The following CCDC178 variants were observed in gnomAD, a reference collection of about 807,000 sequenced individuals.
CCDC178 encodes coiled-coil domain containing 178, also known as coiled-coil domain-containing protein 178.
In CCDC178, 126 loss-of-function variants were observed where a neutral mutation model predicts 117.4. The observed-to-expected ratio is 1.07, with a 90% CI of 0.93 to 1.24. The LOEUF (loss-of-function observed/expected upper bound fraction) is 1.24. Ranked by LOEUF, CCDC178 falls within the 50% of genes most tolerant of loss-of-function variation. The pLI, the probability that CCDC178 is intolerant of heterozygous loss-of-function variation, is 0.00. For synonymous variants in CCDC178, 283 were observed against 313.4 expected (o/e 0.90, Z 1.02); for missense variants, 1,030 against 986.9 (o/e 1.04, Z -0.59).
At chr18:33,155,161 G>T (rs1350082097) in intron 20 of CCDC178, among the ~76,000 whole-genome samples, 1 of 152,052 alleles carries the variant, frequency 6.6e-6, no homozygotes, top group Non-Finnish European at 1.5e-5. Context: ...TACAACGTAT[G>T]TTCTCTGACC....
At chr18:32,959,327 C>T (rs376732216) in intron 22 of CCDC178, among the ~76,000 whole-genome samples, 2 of 152,086 alleles carry the variant, frequency 1.3e-5, no homozygotes, top group African/African-American at 4.8e-5. Context: ...TGTTTAAGAA[C>T]CTATGAGACT....
intron 12 of CCDC178, among the ~76,000 whole-genome samples, chr18:33,279,642 C>T (rs2059996331): frequency 6.6e-6 from 1 of 152,110 alleles, no homozygotes; most frequent in Non-Finnish European, 1.5e-5. Context: ...CCCACATTGC[C>T]AAGTCAATCC....
intron 20 of CCDC178, among the ~76,000 whole-genome samples, chr18:33,116,523 C>G (rs1276747041): frequency 6.6e-6 from 1 of 152,120 alleles, no homozygotes; most frequent in Non-Finnish European, 1.5e-5. Flanking sequence ...TAGTGTTTGA[C>G]ACACAAGGTG....
At chr18:33,308,591 G>T (rs938333490) in intron 11 of CCDC178, among the ~76,000 whole-genome samples, 5 of 152,130 alleles carry the variant, frequency 3.3e-5, no homozygotes, top group African/African-American at 1.2e-4. Context: ...CATGAGATTT[G>T]GGAGGGGCCA....
At chr18:33,099,157 T>C (rs2057587459) in intron 20 of CCDC178, among the ~76,000 whole-genome samples, 1 of 152,108 alleles carries the variant, frequency 6.6e-6, no homozygotes, top group Non-Finnish European at 1.5e-5. Flanking sequence ...AATGTTCTGC[T>C]GTCTTTTGAC....
chr18:33,231,226 A>G (rs1408454761), intron 15 of CCDC178, among the ~76,000 whole-genome samples: 1 of 152,232 alleles, frequency 6.6e-6, no homozygotes, highest in Non-Finnish European at 1.5e-5. Flanking sequence ...TATTCCTGCC[A>G]GATGTGTTTA....
chr18:33,172,055 C>G (rs922729462), intron 20 of CCDC178, among the ~76,000 whole-genome samples: 2 of 152,112 alleles, frequency 1.3e-5, no homozygotes, highest in African/African-American at 4.8e-5. Context: ...GGATTACAGG[C>G]ACAAACTGCC....
chr18:33,003,230 G>A (rs1390923998), intron 21 of CCDC178, among the ~76,000 whole-genome samples: 2 of 151,684 alleles, frequency 1.3e-5, no homozygotes, highest in East Asian at 3.9e-4. Context: ...CCAAAAAAAA[G>A]AAAAGAAAAA....
chr18:33,394,456 A>T (rs2063604336), intron 4 of CCDC178, among the ~76,000 whole-genome samples: 1 of 151,886 alleles, frequency 6.6e-6, no homozygotes, highest in Non-Finnish European at 1.5e-5. Flanking sequence ...CTACACTAGC[A>T]CTCTTTAAAT....
At chr18:33,191,884 C>T (rs1465648375) in intron 20 of CCDC178, among the ~76,000 whole-genome samples, 2 of 152,030 alleles carry the variant, frequency 1.3e-5, no homozygotes, top group Non-Finnish European at 2.9e-5. Flanking sequence ...ATATTATCAA[C>T]TCCATCAATT....
chr18:33,241,918 T>C lies in CCDC178; in HGVS notation c.1593+3327A>G, dbSNP rs187723514. 4.3e-4 allele frequency among the ~76,000 whole-genome samples: 66 copies of C among 151,856 alleles called. 3 individuals are homozygous for C. The highest frequency in any genetic ancestry group is 2.4e-3 in the Admixed American group (37 of 15,200). On this transcript the variant is annotated intron_variant, in intron 15 of 22. Transcript: ENST00000383096. ...TTCTTAATAGAAAAAGAAAAAATCA[T>C]CTTAAAATGTGTATGGAACCCCAAA...
At chr18:33,066,682 G>A (rs896759658) in intron 21 of CCDC178, among the ~76,000 whole-genome samples, 1 of 152,120 alleles carries the variant, frequency 6.6e-6, no homozygotes, top group African/African-American at 2.4e-5. Flanking sequence ...GATCAAAACC[G>A]AAGTGAAGCA....
intron 12 of CCDC178, among the ~76,000 whole-genome samples, chr18:33,283,251 G>C (rs1457499942): frequency 6.6e-6 from 1 of 151,936 alleles, no homozygotes; most frequent in Admixed American, 6.6e-5. Flanking sequence ...TCCCACAAAC[G>C]AAGTCAGTCG....
intron 20 of CCDC178, among the ~76,000 whole-genome samples, chr18:33,179,515 A>G (rs998447407): frequency 6.6e-6 from 1 of 151,992 alleles, no homozygotes; most frequent in Non-Finnish European, 1.5e-5. Flanking sequence ...CACAAAGGAA[A>G]TATAACCCAA....
rs148909298 is a variant in CCDC178 at position 33,436,993 on chromosome 18, G to A, written c.-23+2969C>T. On this transcript the variant is annotated intron_variant, in intron 2 of 22. Transcript: ENST00000383096. ...CATATTTTTCTTGTGTTGCTTCTGTGTTATGCTATATCCTTTGCCCGTTAT... is the reference window on the plus strand; with the variant it reads ...CATATTTTTCTTGTGTTGCTTCTGTATTATGCTATATCCTTTGCCCGTTAT... Among the ~76,000 whole-genome samples the A allele has an allele frequency of 1.3e-3, 205 of 152,268 alleles. 1 individual carries two copies. The highest frequency in any genetic ancestry group is 4.3e-3 in the African/African-American group (179 of 41,560).
intron 9 of CCDC178, among the ~76,000 whole-genome samples, chr18:33,343,459 T>G (rs1371093540): frequency 1.3e-5 from 2 of 152,204 alleles, no homozygotes; most frequent in Non-Finnish European, 2.9e-5. Flanking sequence ...GCTGTCATTT[T>G]CAGGAGAGGC....
chr18:33,096,010 G>T (rs2057537114), intron 20 of CCDC178, among the ~76,000 whole-genome samples: 1 of 151,806 alleles, frequency 6.6e-6, no homozygotes, highest in South Asian at 2.1e-4. Context: ...AAGTGTGGAA[G>T]AACCATTGCT....
At chr18:33,341,618 T>C (rs1001197802) in intron 9 of CCDC178, among the ~76,000 whole-genome samples, 1 of 152,208 alleles carries the variant, frequency 6.6e-6, no homozygotes, top group Admixed American at 6.5e-5. Flanking sequence ...GTTATTCTCA[T>C]GTTAGTGAAT....
At chr18:33,092,621 A>G in intron 21 of CCDC178, 140 bp downstream of exon 21, 2 of 486,382 alleles carry the variant, frequency 4.1e-6, no homozygotes, top group Non-Finnish European at 7.4e-6. Flanking sequence ...ATATAAATAT[A>G]CAACAAAACT....
Sources: gnomAD v4.1 joint callset for allele counts (sites outside exome capture counted in the v4.1 genomes callset) on GRCh38, gnomAD v4.1.1 for gene constraint, MANE v1.5 for transcripts, NCBI Gene and HGNC (gene_info 2026-07-23, HGNC 2026-07-21) for gene names.